The following PSD2 variants were observed in gnomAD, a reference collection of about 807,000 sequenced individuals.
PSD2 encodes PH and SEC7 domain-containing protein 2.
In PSD2, 38 loss-of-function variants were observed where a neutral mutation model predicts 69.8. The observed-to-expected ratio is 0.54, with a 90% CI of 0.42 to 0.71. PSD2 has a LOEUF of 0.71. Ranked by LOEUF, PSD2 falls within the 30% of genes least tolerant of loss-of-function variation. The pLI, the probability that PSD2 is intolerant of heterozygous loss-of-function variation, is 0.00. For synonymous variants in PSD2, 412 were observed against 423.0 expected (o/e 0.97, Z 0.32); for missense variants, 943 against 1,014.5 (o/e 0.93, Z 0.96).
chr5:139,786,367 G>C, the PSD2 span, among the ~76,000 whole-genome samples: 1 of 152,156 alleles, frequency 6.6e-6, no homozygotes, highest in Non-Finnish European at 1.5e-5. Context: ...CAGCCTGGGG[G>C]ACAGAGCAAG....
At chr5:139,790,000 G>A in the PSD2 span, among the ~76,000 whole-genome samples, 1 of 152,126 alleles carries the variant, frequency 6.6e-6, no homozygotes, top group South Asian at 2.1e-4. Flanking sequence ...GGGCCGGGCG[G>A]GCGCTGAGGT....
chr5:139,784,526 G>A, the PSD2 span, among the ~76,000 whole-genome samples: 1 of 152,138 alleles, frequency 6.6e-6, no homozygotes, highest in East Asian at 1.9e-4. Context: ...CAAAACTTTG[G>A]TGGCTCCTGA....
chr5:139,835,701 C>A, intron 8 of PSD2, 22 bp from the exon 9 acceptor site: 1 of 1,613,242 alleles, frequency 6.2e-7, no homozygotes, highest in Non-Finnish European at 8.5e-7. Context: ...GAATTCCCCC[C>A]TCTCTCTTTT....
At chr5:139,753,834 G>GTTTGT in the PSD2 span, among the ~76,000 whole-genome samples, 21 of 147,808 alleles carry the variant, frequency 1.4e-4, no homozygotes, top group Admixed American at 6.0e-4. Context: ...TTTTTTGTTT[G>GTTTGT]TTTGTTTTGT....
the PSD2 span, among the ~76,000 whole-genome samples, chr5:139,787,002 T>G: frequency 6.6e-6 from 1 of 152,128 alleles, no homozygotes; most frequent in Non-Finnish European, 1.5e-5. Flanking sequence ...GCACAACCAC[T>G]TACAGTACAC....
chr5:139,748,880 C>A, the PSD2 span, among the ~76,000 whole-genome samples: 1 of 148,538 alleles, frequency 6.7e-6, no homozygotes, highest in Non-Finnish European at 1.5e-5. Flanking sequence ...GAGCAGTCAC[C>A]TGATTTCTAG....
the PSD2 span, among the ~76,000 whole-genome samples, chr5:139,770,498 G>A: frequency 5.9e-5 from 9 of 152,260 alleles, no homozygotes; most frequent in African/African-American, 1.7e-4. Context: ...CTGGGGAGTC[G>A]GAGGTTGCAG....
At position 139,837,250 on chromosome 5, in the gene PSD2, C is replaced by A; in HGVS notation, c.1665+12C>A. 2 of 1,612,736 alleles carry A rather than the reference C, an allele frequency of 1.2e-6. No individual in the cohort carries two copies. Among genetic ancestry groups the A allele is most frequent in the Non-Finnish European group, 1.7e-6 (2 of 1,178,808 alleles). ...TGTACCTGCAGAAGGTGAGAGACTG[C>A]CCCAGAGACCTTACTCAGAAAGGGC... On this transcript the variant is annotated intron_variant, in intron 11 of 14. Transcript: ENST00000274710. This position sits in a 1 kb window ranked among gnomAD's most constrained non-coding sequence, Gnocchi z 5.0.
rs933324787 is a variant in PSD2 at position 139,844,145 on chromosome 5, G to C, written c.*1671G>C. On this transcript the variant is annotated 3_prime_UTR_variant, in exon 15 of 15. Transcript: ENST00000274710. ...GAAAACGCCATGTGGCACCACAAAA[G>C]AGCTCTCTGTACTTTCCCCATGCTG... The C allele has an allele frequency of 2.2e-4, 34 of 152,184 alleles. No homozygotes were observed. The highest frequency in any genetic ancestry group is 8.0e-4 in the African/African-American group (33 of 41,434). The allele number at this position is 152,184 out of a possible 1,614,324, so 9.4% of individuals were successfully genotyped here.
At chr5:139,781,473 CTACAGG>C in the PSD2 span, among the ~76,000 whole-genome samples, 3 of 148,616 alleles carry the variant, frequency 2.0e-5, no homozygotes, top group African/African-American at 7.5e-5. Context: ...GTAGCTGGGA[CTACAGG>C]TGTCCGCCAC....
chr5:139,820,503 A>G (rs1329325707), intron 5 of PSD2, among the ~76,000 whole-genome samples: 2 of 152,146 alleles, frequency 1.3e-5, no homozygotes, highest in Non-Finnish European at 2.9e-5. Context: ...CTCAGAGTGT[A>G]AGGGCTGGCC....
intron 4 of PSD2, among the ~76,000 whole-genome samples, chr5:139,816,301 T>A (rs1161153276): frequency 1.3e-5 from 2 of 152,206 alleles, no homozygotes; most frequent in Non-Finnish European, 2.9e-5. Context: ...TCTCCAACAT[T>A]CAGTCTGTGT....
chr5:139,835,598 CA>C (rs2126965739), intron 8 of PSD2, 124 bp from the exon 9 acceptor site: 1 of 924,766 alleles, frequency 1.1e-6, no homozygotes, highest in East Asian at 2.4e-5. Context: ...AAGTATGAAT[CA>C]AACACCCACT....
At chr5:139,818,245 T>TA (rs1760173652) in intron 5 of PSD2, among the ~76,000 whole-genome samples, 2 of 152,128 alleles carry the variant, frequency 1.3e-5, no homozygotes, top group South Asian at 4.2e-4. Context: ...TCTTACACTT[T>TA]AAAAAAATGT....
At chr5:139,793,725 C>A (rs1008665188), upstream of PSD2, among the ~76,000 whole-genome samples, 1 of 152,202 alleles carries the variant, frequency 6.6e-6, no homozygotes, top group Admixed American at 6.5e-5. Flanking sequence ...CAGTGGACAA[C>A]AATTAAATAG....
intron 1 of PSD2, among the ~76,000 whole-genome samples, chr5:139,808,269 G>A (rs1316188684): frequency 6.6e-6 from 1 of 152,192 alleles, no homozygotes; most frequent in East Asian, 1.9e-4. Flanking sequence ...GGGGCCAGGG[G>A]CAGACAGGGG....
At chr5:139,755,828 T>C in the PSD2 span, among the ~76,000 whole-genome samples, 24 of 152,132 alleles carry the variant, frequency 1.6e-4, no homozygotes, top group Admixed American at 1.2e-3. Context: ...TCTGTGTGAC[T>C]GTTTCAGGAC....
chr5:139,817,373 T>A (rs1760146039), intron 4 of PSD2, 108 bp from the exon 5 acceptor site: 4 of 902,454 alleles, frequency 4.4e-6, no homozygotes, highest in Non-Finnish European at 7.3e-6. Context: ...GTTGAGCAGG[T>A]CTAGGGGGTG....
At chr5:139,793,534 G>T (rs987095306), upstream of PSD2, among the ~76,000 whole-genome samples, 1 of 152,206 alleles carries the variant, frequency 6.6e-6, no homozygotes, top group Non-Finnish European at 1.5e-5. Flanking sequence ...AGGACAGGGG[G>T]CAGATCCAGG....
Sources: allele counts gnomAD v4.1 joint callset (sites outside exome capture counted in the v4.1 genomes callset), GRCh38; gene constraint gnomAD v4.1.1; non-coding constraint Gnocchi (gnomAD v3.1); transcripts MANE v1.5; gene names NCBI Gene and HGNC (gene_info 2026-07-23, HGNC 2026-07-21).